SLF1: variants seen among roughly 807,000 people sequenced by gnomAD.
The protein encoded by SLF1 is SMC5/6 complex localization factor 1.
Under a neutral mutation model 123.0 loss-of-function variants are expected in SLF1, and 105 were observed. The observed-to-expected ratio is 0.85, with a 90% CI of 0.73 to 1.00. The LOEUF is 1.00. Among genes scored for constraint, SLF1 ranks in the 50% least tolerant of loss-of-function variants. The pLI is 0.00. For missense variants in SLF1, 1,239 were observed against 1,223.0 expected, an observed-to-expected ratio of 1.01 and a Z score of -0.20; for synonymous variants, 434 against 406.6, an observed-to-expected ratio of 1.07 and a Z score of -0.81.
intron 4 of SLF1, among the ~76,000 whole-genome samples, chr5:94,633,916 G>GT (rs1258563330): frequency 6.6e-6 from 1 of 151,970 alleles, no homozygotes; most frequent in Admixed American, 6.6e-5. Flanking sequence ...TGTTTTTGAG[G>GT]TAAAAACTTG....
rs1753120115 is a variant in SLF1 at position 94,692,252 on chromosome 5, T to C, written c.2691T>C (p.His897=). The change falls in exon 20 of 21, where the codon CAT becomes CAC. Residue 897 remains histidine (H), a synonymous_variant. Transcript: ENST00000265140. ...HVEIGKLLLQ[H]GGPVLLQQRN... Reference sequence around the variant, plus strand: ...AAATTGGCAAGCTGCTACTACAGCATGGGGGTGAGTGTGTTTATGCTAAAT... The same window carrying C: ...AAATTGGCAAGCTGCTACTACAGCACGGGGGTGAGTGTGTTTATGCTAAAT... The C allele has an allele frequency of 1.2e-6, 2 of 1,612,754 alleles. No homozygotes were observed. The highest frequency in any genetic ancestry group is 1.7e-6 in the Non-Finnish European group (2 of 1,179,154).
At chr5:94,672,278 C>T (rs1272958389) in intron 14 of SLF1, among the ~76,000 whole-genome samples, 1 of 152,138 alleles carries the variant, frequency 6.6e-6, no homozygotes, top group African/African-American at 2.4e-5. Context: ...TGGTATCAAA[C>T]TACCATGAAG....
At chr5:94,673,410 C>T (rs1055578117) in intron 14 of SLF1, among the ~76,000 whole-genome samples, 1 of 151,756 alleles carries the variant, frequency 6.6e-6, no homozygotes, top group African/African-American at 2.4e-5. Flanking sequence ...TGCAGTGGTT[C>T]CTGCCTGTAA....
chr5:94,682,740 C>T (rs1164849758), intron 15 of SLF1, among the ~76,000 whole-genome samples: 1 of 152,168 alleles, frequency 6.6e-6, no homozygotes, highest in African/African-American at 2.4e-5. Context: ...ACACTTTGGA[C>T]AGAAATTTTC....
At chr5:94,637,472 A>G (rs7446179) in intron 4 of SLF1, among the ~76,000 whole-genome samples, 33,834 of 151,970 alleles carry the variant, frequency 0.22, 3,902 homozygotes, top group East Asian at 0.34. Flanking sequence ...GGTGTATTCC[A>G]TGGCTAGGTA....
Position 94,663,761 on chromosome 5 carries a change from T to G in SLF1, c.1221T>G (p.Ala407=). The change falls in exon 11 of 21, where the codon GCT becomes GCG. Residue 407 remains alanine (A), a synonymous_variant. Coordinates refer to ENST00000265140, the MANE Select transcript of SLF1 (RefSeq NM_032290.4). ...QPVYNVEVKN[A]EFPRGVLNLI... is the part of the protein sequence containing the mutation. ...CTTTCCTTTCTTAGGTTAAAAATGC[T>G]GAATTTCCCAGAGGTGTATTAAATT... 6.5e-7 allele frequency: 1 copy of G among 1,527,916 alleles called. No individual in the cohort carries two copies. The allele number at this position is 1,527,916 out of a possible 1,614,324, so 94.6% of individuals were successfully genotyped here.
chr5:94,623,342 T>C (rs1178695275), intron 1 of SLF1, among the ~76,000 whole-genome samples: 1 of 152,188 alleles, frequency 6.6e-6, no homozygotes, highest in Non-Finnish European at 1.5e-5. Flanking sequence ...GGTAAGTAAC[T>C]AATTTTTGTT....
chr5:94,693,767 T>C (rs1753286582), intron 20 of SLF1, among the ~76,000 whole-genome samples: 1 of 151,800 alleles, frequency 6.6e-6, no homozygotes, highest in African/African-American at 2.4e-5. Flanking sequence ...TTTTTTTTTT[T>C]TTAAACAGAA....
chr5:94,676,727 T>A (rs1350374126), intron 14 of SLF1, among the ~76,000 whole-genome samples: 1 of 152,256 alleles, frequency 6.6e-6, no homozygotes, highest in Non-Finnish European at 1.5e-5. Flanking sequence ...CACATGCTAC[T>A]GGTCCTGACT....
chr5:94,628,732 A>G, intron 1 of SLF1, 79 bp from the exon 2 acceptor site: 1 of 865,508 alleles, frequency 1.2e-6, no homozygotes. Flanking sequence ...TTTAGTACTC[A>G]TAGTTAAGAA....
intron 3 of SLF1, among the ~76,000 whole-genome samples, chr5:94,630,177 A>T (rs1745049484): frequency 6.6e-6 from 1 of 152,308 alleles, no homozygotes; most frequent in Non-Finnish European, 1.5e-5. Context: ...TTGGATTTTA[A>T]AGCTTTAGAT....
intron 14 of SLF1, among the ~76,000 whole-genome samples, chr5:94,673,658 C>G (rs1389373334): frequency 2.8e-5 from 4 of 145,318 alleles, no homozygotes; most frequent in African/African-American, 7.7e-5. Context: ...CCGCAGCATT[C>G]CAGCCTGGGT....
In SLF1 at chr5:94,689,820, C is replaced by T. The variant is rs113452464; in HGVS notation, c.2419+214C>T. The stretch of plus-strand genomic sequence containing the variant: ...AACCAGTATAATAGAGTATTCTTTC[C>T]TTTTTTTCCTCTCCCTGCCATTACA... On this transcript the variant is annotated intron_variant, in intron 18 of 20. Transcript: ENST00000265140. Among the ~76,000 whole-genome samples the T allele has an allele frequency of 3.6e-3, 552 of 152,158 alleles. 2 individuals carry two copies. The highest frequency in any genetic ancestry group is 0.013 in the African/African-American group (533 of 41,526).
At chr5:94,682,033 C>T (rs1751848159) in intron 15 of SLF1, among the ~76,000 whole-genome samples, 1 of 152,062 alleles carries the variant, frequency 6.6e-6, no homozygotes, top group South Asian at 2.1e-4. Context: ...TGTGTGTGTG[C>T]ATGTGCGCGT....
chr5:94,668,414 A>G (rs564357109), intron 12 of SLF1, among the ~76,000 whole-genome samples: 1 of 150,686 alleles, frequency 6.6e-6, no homozygotes, highest in African/African-American at 2.4e-5. Context: ...GCTCACTGCA[A>G]CCTCCGCCTC....
At position 94,654,769 on chromosome 5, in the gene SLF1, G is replaced by C; in HGVS notation, c.1155+17G>C. 6.8e-7 allele frequency: 1 copy of C among 1,479,332 alleles called. No individual in the cohort carries two copies. Among genetic ancestry groups the C allele is most frequent in the African/African-American group, 1.4e-5 (1 of 70,122 alleles). 91.6% of individuals were successfully genotyped at this position (1,479,332 alleles called of 1,614,324 possible). ...AGAGCTCAGGTAAAACTTGGCACAT[G>C]AAAAATTTTGTATAATATCGTGTCT... is the stretch of plus-strand genomic sequence containing the variant. On this transcript the variant is annotated intron_variant, in intron 9 of 20. Coordinates refer to ENST00000265140, the MANE Select transcript of SLF1 (RefSeq NM_032290.4).
At chr5:94,665,368 CTG>C (rs1421824788) in intron 11 of SLF1, among the ~76,000 whole-genome samples, 1 of 152,096 alleles carries the variant, frequency 6.6e-6, no homozygotes, top group Non-Finnish European at 1.5e-5. Context: ...TAGAGTGTGC[CTG>C]TCTCTCAGTT....
intron 15 of SLF1, among the ~76,000 whole-genome samples, chr5:94,684,623 G>T (rs937573281): frequency 6.8e-6 from 1 of 148,100 alleles, no homozygotes; most frequent in African/African-American, 2.5e-5. Flanking sequence ...GTGTGAACCC[G>T]GGAGGCAGAG....
chr5:94,624,554 T>C (rs1241034870), intron 1 of SLF1, among the ~76,000 whole-genome samples: 1 of 152,166 alleles, frequency 6.6e-6, no homozygotes, highest in Non-Finnish European at 1.5e-5. Flanking sequence ...AATTGTAAAA[T>C]AGCTATTAAC....
Sources: allele counts gnomAD v4.1 joint callset (sites outside exome capture counted in the v4.1 genomes callset), GRCh38; gene constraint gnomAD v4.1.1; transcripts MANE v1.5; gene names NCBI Gene and HGNC (gene_info 2026-07-23, HGNC 2026-07-21).